The following HOOK3 variants were observed in gnomAD, a reference collection of about 807,000 sequenced individuals.
HOOK3 encodes the protein protein Hook homolog 3.
Under a neutral mutation model 116.3 loss-of-function variants are expected in HOOK3, and 24 were observed. The ratio of observed to expected loss-of-function variants is 0.21; its 90% CI spans 0.15 to 0.29. The LOEUF (loss-of-function observed/expected upper bound fraction) is 0.29. Among genes scored for constraint, HOOK3 ranks in the 10% least tolerant of loss-of-function variants. The probability of loss-of-function intolerance (pLI) is 1.00; values close to 1 mark genes in which losing one functional copy is unlikely to be tolerated. For synonymous variants in HOOK3, 275 were observed against 283.0 expected, an observed-to-expected ratio of 0.97 and a Z score of 0.28; for missense variants, 632 against 830.2, an observed-to-expected ratio of 0.76 and a Z score of 2.93.
At chr8:42,950,325 G>A (rs1489626781) in intron 5 of HOOK3, 63 bp from the exon 6 acceptor site, 1 of 1,058,646 alleles carries the variant, frequency 9.4e-7, no homozygotes. Flanking sequence ...TGAAGTATGA[G>A]CCTTGATTCC....
chr8:42,941,820 T>A (rs2130383783), intron 4 of HOOK3, among the ~76,000 whole-genome samples: 1 of 152,234 alleles, frequency 6.6e-6, no homozygotes, highest in South Asian at 2.1e-4. Flanking sequence ...TTGGAGTTTA[T>A]CAAGTGCACT....
intron 4 of HOOK3, among the ~76,000 whole-genome samples, chr8:42,931,343 T>G (rs1563293860): frequency 6.6e-6 from 1 of 151,904 alleles, no homozygotes; most frequent in Non-Finnish European, 1.5e-5. Context: ...TATTGTTTAT[T>G]CCCTTTAATC....
chr8:42,942,165 G>A (rs1223536001), intron 4 of HOOK3, among the ~76,000 whole-genome samples: 1 of 152,164 alleles, frequency 6.6e-6, no homozygotes, highest in African/African-American at 2.4e-5. Flanking sequence ...GGCTGAGGCA[G>A]GAGAATAGCT....
intron 11 of HOOK3, 95 bp downstream of exon 11, chr8:42,968,309 CT>C: frequency 2.4e-6 from 2 of 838,808 alleles, no homozygotes; most frequent in Non-Finnish European, 1.9e-6. Flanking sequence ...TCATGGTATT[CT>C]GTTTTTTACC....
In HOOK3 at chr8:42,964,294, G is replaced by A. The variant is rs187366565; in HGVS notation, c.616-17G>A. On this transcript the variant is annotated splice_polypyrimidine_tract_variant and intron_variant, in intron 8 of 21. Coordinates refer to ENST00000307602, the MANE Select transcript of HOOK3 (RefSeq NM_032410.4). ...GTAGTTGGAAGAAATAACTGCCGTCGTCCTATATTCCAACAGGTTGCAGCA... is the reference window on the plus strand; with the variant it reads ...GTAGTTGGAAGAAATAACTGCCGTCATCCTATATTCCAACAGGTTGCAGCA... 568 of 1,613,240 alleles carry A rather than the reference G, an allele frequency of 3.5e-4. 1 individual carries two copies. Among genetic ancestry groups the A allele is most frequent in the Non-Finnish European group, 4.7e-4 (550 of 1,179,458 alleles).
In HOOK3 at chr8:43,023,517, A is replaced by G. The variant is rs1809872593; in HGVS notation, c.*5019A>G. The G allele has an allele frequency of 5.9e-6, 1 of 170,268 alleles. No homozygotes were observed. 10.5% of individuals were successfully genotyped at this position (170,268 alleles called of 1,614,324 possible). A position where few individuals can be genotyped will look rare whatever the true frequency, so the allele number is the denominator to read the frequency against. ...CCCCAGGCTGGAGTGCAGAGGCACG[A>G]TCCTGGCTGACTGCAAACTCTGCCT... is the stretch of plus-strand genomic sequence containing the variant. On this transcript the variant is annotated 3_prime_UTR_variant, in exon 22 of 22. Coordinates refer to ENST00000307602, the MANE Select transcript of HOOK3 (RefSeq NM_032410.4).
intron 3 of HOOK3, among the ~76,000 whole-genome samples, chr8:42,927,621 T>A (rs985012232): frequency 6.6e-6 from 1 of 152,108 alleles, no homozygotes; most frequent in African/African-American, 2.4e-5. Context: ...ATTTACTTTT[T>A]TTTGAGACAG....
intron 4 of HOOK3, among the ~76,000 whole-genome samples, chr8:42,939,513 G>A (rs1208560087): frequency 9.6e-5 from 14 of 146,190 alleles, no homozygotes; most frequent in Non-Finnish European, 1.4e-4. Context: ...GCGGCTGGCC[G>A]GGCGGGGGGC....
chr8:43,019,331 C>A lies in HOOK3; in HGVS notation c.*833C>A, dbSNP rs1007009262. 1 of 213,972 alleles carries A rather than the reference C, an allele frequency of 4.7e-6. No homozygotes were observed. Among genetic ancestry groups the A allele is most frequent in the Non-Finnish European group, 9.4e-6 (1 of 106,248 alleles). 13.3% of individuals were successfully genotyped at this position (213,972 alleles called of 1,614,324 possible). Reference sequence around the variant, plus strand: ...ATTTTCTAACAATGTGGTTGACATACCTTCAGTTGCTTTCCACATCTAAAA... The same window carrying A: ...ATTTTCTAACAATGTGGTTGACATAACTTCAGTTGCTTTCCACATCTAAAA... On this transcript the variant is annotated 3_prime_UTR_variant, in exon 22 of 22. Transcript: ENST00000307602.
At position 42,986,637 on chromosome 8, in the gene HOOK3, T is replaced by G; in HGVS notation, c.1392-18T>G. On this transcript the variant is annotated intron_variant, in intron 14 of 21. Coordinates refer to ENST00000307602, the MANE Select transcript of HOOK3 (RefSeq NM_032410.4). ...ATGACTGTGTATATAATATTTAGTT[T>G]TTATTTTGTTCATTCAGGGAGAAAC... 6.3e-7 allele frequency: 1 copy of G among 1,598,238 alleles called. No homozygotes were observed. The highest frequency in any genetic ancestry group is 1.1e-5 in the South Asian group (1 of 89,346).
chr8:42,962,740 T>C (rs1457673224), intron 8 of HOOK3, among the ~76,000 whole-genome samples: 1 of 151,240 alleles, frequency 6.6e-6, no homozygotes. Flanking sequence ...TTTTTGTCTG[T>C]GTGTAAAAAG....
intron 8 of HOOK3, among the ~76,000 whole-genome samples, chr8:42,959,582 G>A (rs1407555749): frequency 6.6e-6 from 1 of 151,888 alleles, no homozygotes; most frequent in Non-Finnish European, 1.5e-5. Context: ...AGCCGGGTGT[G>A]ATGGCGGGCG....
chr8:42,915,071 C>T (rs1053515324), intron 2 of HOOK3, among the ~76,000 whole-genome samples: 9 of 152,146 alleles, frequency 5.9e-5, no homozygotes, highest in Admixed American at 5.9e-4. Flanking sequence ...TTCTAATTTT[C>T]CCTAGATAAG....
chr8:42,958,322 T>A (rs998009462), intron 7 of HOOK3, among the ~76,000 whole-genome samples: 10 of 152,152 alleles, frequency 6.6e-5, no homozygotes. Flanking sequence ...AATTTTTTTT[T>A]ATCTACCACA....
intron 2 of HOOK3, among the ~76,000 whole-genome samples, chr8:42,919,392 A>AGGGCAGAGGG (rs1460865634): frequency 7.2e-6 from 1 of 139,634 alleles, no homozygotes; most frequent in African/African-American, 2.7e-5. Context: ...ACGGGGTGGC[A>AGGGCAGAGGG]GGGCAGAGGC....
chr8:42,902,843 C>T (rs1222566722), intron 1 of HOOK3, among the ~76,000 whole-genome samples: 12 of 152,130 alleles, frequency 7.9e-5, no homozygotes, highest in South Asian at 2.1e-4. Flanking sequence ...AGGGCTTGTT[C>T]GTATCAGGCA....
intron 21 of HOOK3, among the ~76,000 whole-genome samples, chr8:43,017,806 G>T (rs1809752004): frequency 6.6e-6 from 1 of 152,060 alleles, no homozygotes; most frequent in African/African-American, 2.4e-5. Flanking sequence ...CTGTCTTCAA[G>T]AAAGACCCCC....
At chr8:42,927,578 A>G (rs1807793428) in intron 3 of HOOK3, among the ~76,000 whole-genome samples, 1 of 152,094 alleles carries the variant, frequency 6.6e-6, no homozygotes, top group Non-Finnish European at 1.5e-5. Flanking sequence ...ATTTCTAAAC[A>G]GTCTTTCAAG....
chr8:42,927,684 A>G (rs2130360704), intron 3 of HOOK3, among the ~76,000 whole-genome samples: 1 of 152,310 alleles, frequency 6.6e-6, no homozygotes, highest in African/African-American at 2.4e-5. Context: ...AGCTCACTGC[A>G]ACCTCCACCT....
Sources: gnomAD v4.1 joint callset for allele counts (sites outside exome capture counted in the v4.1 genomes callset) on GRCh38, gnomAD v4.1.1 for gene constraint, MANE v1.5 for transcripts, NCBI Gene and HGNC (gene_info 2026-07-23, HGNC 2026-07-21) for gene names.